The following LRPPRC variants were observed in gnomAD, a reference collection of about 807,000 sequenced individuals.
The protein encoded by LRPPRC is leucine rich pentatricopeptide repeat containing, also known as leucine-rich PPR motif-containing protein, mitochondrial.
LRPPRC carries 120 observed loss-of-function variants against 180.3 expected under a neutral mutation model. The observed-to-expected ratio is 0.67, with a 90% confidence interval of 0.57 to 0.77. LRPPRC has a LOEUF of 0.77. Among genes scored for constraint, LRPPRC ranks in the 30% least tolerant of loss-of-function variants. The pLI, the probability that LRPPRC is intolerant of heterozygous loss-of-function variation, is 0.00. For missense variants in LRPPRC, 2,012 were observed against 1,657.2 expected, an observed-to-expected ratio of 1.21 and a Z score of -3.72; for synonymous variants, 723 against 600.0, an observed-to-expected ratio of 1.21 and a Z score of -3.00.
At position 43,899,622 on chromosome 2, in the gene LRPPRC, A is replaced by G. The variant is rs147807670; in HGVS notation, c.3570-17T>C. On this transcript the variant is annotated splice_polypyrimidine_tract_variant and intron_variant, in intron 32 of 37. Transcript: ENST00000260665. ...ATGTTATTACTGTTAAAAGCAAAAT[A>G]AATTACTTAAAAATTTGCTTTTATG... The G allele has an allele frequency of 1.0e-5, 16 of 1,581,246 alleles. No homozygotes were observed. In the East Asian group the frequency reaches 2.9e-4, roughly 29 times the overall value.
chr2:43,920,860 G>A (rs555354389), intron 27 of LRPPRC, among the ~76,000 whole-genome samples: 1 of 152,060 alleles, frequency 6.6e-6, no homozygotes, highest in African/African-American at 2.4e-5. Flanking sequence ...TAAAAAGGTG[G>A]GTGGATAATC....
chr2:43,939,435 G>A (rs893135311), intron 23 of LRPPRC, among the ~76,000 whole-genome samples: 10 of 151,990 alleles, frequency 6.6e-5, no homozygotes, highest in South Asian at 2.1e-4. Flanking sequence ...ACTGAAATGC[G>A]CTCAAATCTG....
chr2:43,969,012 T>C (rs1310329714), intron 11 of LRPPRC, among the ~76,000 whole-genome samples: 2 of 152,142 alleles, frequency 1.3e-5, no homozygotes, highest in African/African-American at 2.4e-5. Context: ...ACCTTGAATA[T>C]ATATAGTTTG....
rs536044941 is a variant in LRPPRC, at chr2:43,886,437, A to T, written c.*2163T>A. ...ACTTATTTCAATTTAGCTATTAGAT[A>T]TTTAGAACACTCATAAGCCCACCTA... On this transcript the variant is annotated 3_prime_UTR_variant, in exon 38 of 38. Coordinates refer to ENST00000260665, the MANE Select transcript of LRPPRC (RefSeq NM_133259.4). The T allele has an allele frequency of 1.8e-4, 28 of 152,228 alleles. No homozygotes were observed. The highest frequency in any genetic ancestry group is 3.7e-4 in the Non-Finnish European group (25 of 68,036). The allele number at this position is 152,228 out of a possible 1,614,324, so 9.4% of individuals were successfully genotyped here. A position where few individuals can be genotyped will look rare whatever the true frequency, so the allele number is the denominator to read the frequency against.
At chr2:43,943,414 G>T (rs1672556569) in intron 23 of LRPPRC, among the ~76,000 whole-genome samples, 1 of 151,874 alleles carries the variant, frequency 6.6e-6, no homozygotes. Flanking sequence ...CACTTATCAG[G>T]CTCAAAACTA....
chr2:43,983,707 T>G (rs1334971133), intron 1 of LRPPRC, among the ~76,000 whole-genome samples: 1 of 152,174 alleles, frequency 6.6e-6, no homozygotes, highest in Non-Finnish European at 1.5e-5. Context: ...AATGGTGACT[T>G]TAAAAATAAA....
intron 25 of LRPPRC, among the ~76,000 whole-genome samples, chr2:43,927,000 T>C (rs62138283): frequency 0.082 from 12,549 of 152,302 alleles, 615 homozygotes; most frequent in South Asian, 0.14. Flanking sequence ...TCAATAAGTC[T>C]GGCTTCAAAG....
chr2:43,962,261 C>A (rs1383186040), intron 12 of LRPPRC, among the ~76,000 whole-genome samples: 1 of 152,074 alleles, frequency 6.6e-6, no homozygotes, highest in Non-Finnish European at 1.5e-5. Context: ...GGGAAAGTTA[C>A]TTAAAAAATT....
At chr2:43,993,738 G>GA (rs35822908) in intron 1 of LRPPRC, among the ~76,000 whole-genome samples, 208 of 143,670 alleles carry the variant, frequency 1.4e-3, no homozygotes, top group African/African-American at 2.8e-3. Context: ...TTCTACTAAA[G>GA]AAAAAAAAAA....
intron 16 of LRPPRC, among the ~76,000 whole-genome samples, chr2:43,949,052 A>T (rs903323300): frequency 6.6e-6 from 1 of 152,206 alleles, no homozygotes; most frequent in Non-Finnish European, 1.5e-5. Flanking sequence ...TAACAACAGT[A>T]ATTTTCCTTT....
intron 25 of LRPPRC, among the ~76,000 whole-genome samples, chr2:43,932,394 T>G (rs569771888): frequency 3.3e-5 from 5 of 152,232 alleles, no homozygotes; most frequent in South Asian, 4.1e-4. Context: ...TTGCTTTTTT[T>G]GGGAATGATA....
chr2:43,915,188 A>G (rs1671404727), intron 29 of LRPPRC, among the ~76,000 whole-genome samples: 1 of 105,140 alleles, frequency 9.5e-6, no homozygotes, highest in Admixed American at 9.2e-5. Context: ...GGCCTGGGCA[A>G]CAGAACAAGA....
At chr2:43,970,234 G>C (rs912363001) in intron 11 of LRPPRC, among the ~76,000 whole-genome samples, 3 of 152,100 alleles carry the variant, frequency 2.0e-5, no homozygotes, top group Non-Finnish European at 4.4e-5. Flanking sequence ...AGTATGTTCT[G>C]CTCATTTACA....
intron 27 of LRPPRC, among the ~76,000 whole-genome samples, chr2:43,921,988 G>A (rs1671715733): frequency 6.6e-6 from 1 of 152,176 alleles, no homozygotes; most frequent in African/African-American, 2.4e-5. Context: ...TATCTGTAAA[G>A]AAGTGTTCAG....
chr2:43,965,654 C>T (rs887951818), intron 11 of LRPPRC, among the ~76,000 whole-genome samples: 2 of 152,106 alleles, frequency 1.3e-5, no homozygotes, highest in Non-Finnish European at 2.9e-5. Flanking sequence ...AAGGAACTCA[C>T]AAATTTCAAT....
chr2:43,970,789 C>T (rs1673769855), intron 11 of LRPPRC, among the ~76,000 whole-genome samples: 1 of 152,176 alleles, frequency 6.6e-6, no homozygotes, highest in African/African-American at 2.4e-5. Flanking sequence ...TATTAGGAGG[C>T]AACTGCTTCC....
At chr2:43,985,326 G>T (rs1674483456) in intron 1 of LRPPRC, among the ~76,000 whole-genome samples, 1 of 152,078 alleles carries the variant, frequency 6.6e-6, no homozygotes, top group Non-Finnish European at 1.5e-5. Flanking sequence ...TACAAATGAT[G>T]AACCAATGCT....
intron 21 of LRPPRC, among the ~76,000 whole-genome samples, 156 bp from the exon 22 acceptor site, chr2:43,945,573 C>T (rs1444658863): frequency 6.6e-6 from 1 of 152,072 alleles, no homozygotes; most frequent in Non-Finnish European, 1.5e-5. Context: ...AAGCCATATA[C>T]AAGTTCACAC....
intron 2 of LRPPRC, among the ~76,000 whole-genome samples, chr2:43,981,143 G>T (rs1224127610): frequency 6.6e-6 from 1 of 152,036 alleles, no homozygotes; most frequent in Non-Finnish European, 1.5e-5. Flanking sequence ...GGGAGTGAAA[G>T]ACCTATAGCT....
Sources: allele counts gnomAD v4.1 joint callset (sites outside exome capture counted in the v4.1 genomes callset), GRCh38; gene constraint gnomAD v4.1.1; transcripts MANE v1.5; gene names NCBI Gene and HGNC (gene_info 2026-07-23, HGNC 2026-07-21).